Variants in TNN observed in about 807,000 individuals in gnomAD.
TNN encodes tenascin-N.
TNN carries 122 observed loss-of-function variants against 134.4 expected under a neutral mutation model. The ratio of observed to expected loss-of-function variants is 0.91; its 90% CI spans 0.78 to 1.06. The LOEUF is 1.06. Ranked by LOEUF, TNN falls within the 50% of genes least tolerant of loss-of-function variation. The pLI, the probability that TNN is intolerant of heterozygous loss-of-function variation, is 0.00. For synonymous variants in TNN, 710 were observed against 670.3 expected (o/e 1.06, Z -0.91); for missense variants, 1,739 against 1,699.4 (o/e 1.02, Z -0.41).
chr1:175,125,459 G>A (rs1675482061), intron 12 of TNN, among the ~76,000 whole-genome samples: 1 of 151,808 alleles, frequency 6.6e-6, no homozygotes, highest in African/African-American at 2.4e-5. Flanking sequence ...TTACCCACGC[G>A]TTCCCTCTAG....
chr1:175,071,175 G>A (rs1167802751), intron 1 of TNN, among the ~76,000 whole-genome samples: 3 of 152,188 alleles, frequency 2.0e-5, no homozygotes, highest in Non-Finnish European at 4.4e-5. Flanking sequence ...GATAATAAGG[G>A]AACCAGAGAA....
intron 8 of TNN, 132 bp from the exon 9 acceptor site, chr1:175,098,200 C>A (rs1316916461): frequency 1.5e-6 from 2 of 1,292,264 alleles, no homozygotes; most frequent in South Asian, 1.4e-5. Context: ...AGACTCCCAG[C>A]GGAGACTCAG....
chr1:175,085,549 T>A (rs1674305103), intron 6 of TNN, 55 bp downstream of exon 6: 1 of 1,235,866 alleles, frequency 8.1e-7, no homozygotes, highest in African/African-American at 1.5e-5. Flanking sequence ...ATTCTCATAT[T>A]TTTCTTGGCT....
chr1:175,097,825 G>A, intron 8 of TNN, 142 bp downstream of exon 8: 6 of 1,204,636 alleles, frequency 5.0e-6, no homozygotes, highest in Non-Finnish European at 5.7e-6. Context: ...CTCTCGTGGT[G>A]ATGGCGGTGG....
Position 175,072,360 on chromosome 1 carries a change from A to G in TNN, c.-36+4425A>G, listed in dbSNP as rs141893955. 2.6e-3 allele frequency among the ~76,000 whole-genome samples: 391 copies of G among 152,242 alleles called. 2 individuals carry two copies. The highest frequency in any genetic ancestry group is 2.7e-3 in the Non-Finnish European group (185 of 68,018). On this transcript the variant is annotated intron_variant, in intron 1 of 18. Transcript: ENST00000239462. ...GGTTTCCTGTGGTTCCTGCATACAC[A>G]TTTCCTGCATGTAAATGCCCTTCGC... is the stretch of plus-strand genomic sequence containing the variant.
rs926299868 is a variant in TNN, at chr1:175,144,692, T to G, written c.3759+142T>G. 4 of 927,926 alleles carry G rather than the reference T, an allele frequency of 4.3e-6. No homozygotes were observed. In the African/African-American group the frequency reaches 6.7e-5, roughly 16 times the overall value. The allele number at this position is 927,926 out of a possible 1,614,324, so 57.5% of individuals were successfully genotyped here. A position where few individuals can be genotyped will look rare whatever the true frequency, so the allele number is the denominator to read the frequency against. Reference sequence around the variant, plus strand: ...AGTAGAGCTTCTCCTCCAGGCTCCATGGCCTTGAGGTCGTGGCCTCCCTTC... The same window carrying G: ...AGTAGAGCTTCTCCTCCAGGCTCCAGGGCCTTGAGGTCGTGGCCTCCCTTC... On this transcript the variant is annotated intron_variant, in intron 18 of 18. Transcript: ENST00000239462.
rs59588723 is a variant in TNN, at chr1:175,127,022, G to T, written c.2982G>T (p.Thr994=). 5.6e-6 allele frequency: 9 copies of T among 1,613,918 alleles called. No individual in the cohort carries two copies. The highest frequency in any genetic ancestry group is 7.6e-6 in the Non-Finnish European group (9 of 1,179,990). ...VTQSGGILTW[T]PPSAQIHGYI... ...AGTCTGGTGGCATATTGACCTGGAC[G>T]CCCCCCTCTGCTCAGATCCACGGCT... Residue 994 remains threonine (T), a synonymous_variant, in exon 13 of 19, where the codon ACG becomes ACT. Transcript: ENST00000239462.
chr1:175,077,507 C>A lies in TNN; in HGVS notation c.89C>A (p.Pro30His), dbSNP rs756947314. ...GCTTCGGCCCCAGCCACTCTGGAGC[C>A]TCCCGGCTGCAGCAACAAGGAGCAA... ...LVASAPATLE[P>H]PGCSNKEQQV... is the part of the protein sequence containing the mutation. The change falls in exon 2 of 19, where the codon CCT becomes CAT. Residue 30 changes from proline to histidine, a missense_variant. By Grantham distance (77) the Pro-to-His change is moderately conservative. Transcript: ENST00000239462. The A allele has an allele frequency of 1.2e-6, 2 of 1,614,006 alleles. No individual in the cohort carries two copies. Among genetic ancestry groups the A allele is most frequent in the Non-Finnish European group, 1.7e-6 (2 of 1,180,030 alleles).
intron 1 of TNN, 137 bp from the exon 2 acceptor site, chr1:175,077,247 C>T (rs1189518572): frequency 1.8e-5 from 13 of 709,778 alleles, no homozygotes; most frequent in African/African-American, 3.5e-5. Flanking sequence ...TAATTTGGTT[C>T]GGATCCTTGG....
intron 4 of TNN, 87 bp downstream of exon 4, chr1:175,080,513 C>T: frequency 2.0e-6 from 3 of 1,522,446 alleles, no homozygotes; most frequent in Non-Finnish European, 2.7e-6. Context: ...AGGCAGTTGC[C>T]TTGATTAGGG....
chr1:175,069,277 A>G (rs1418509442), intron 1 of TNN, among the ~76,000 whole-genome samples: 1 of 152,166 alleles, frequency 6.6e-6, no homozygotes, highest in Admixed American at 6.5e-5. Context: ...TTTGTTGCAG[A>G]CTCAGAATCA....
At chr1:175,137,245 T>C (rs1405819621) in intron 17 of TNN, among the ~76,000 whole-genome samples, 1 of 152,104 alleles carries the variant, frequency 6.6e-6, no homozygotes, top group East Asian at 1.9e-4. Flanking sequence ...CCCCTTGTAC[T>C]CCTCTTATTC....
At chr1:175,122,786 C>G (rs918716666) in intron 11 of TNN, among the ~76,000 whole-genome samples, 1 of 152,040 alleles carries the variant, frequency 6.6e-6, no homozygotes, top group African/African-American at 2.4e-5. Context: ...TGGAATGATA[C>G]GGGAGAGGAT....
chr1:175,090,841 T>C (rs4471221), intron 6 of TNN, among the ~76,000 whole-genome samples: 82,822 of 151,480 alleles, frequency 0.55, 23,182 homozygotes, highest in African/African-American at 0.69. Context: ...CAAACCTTAC[T>C]TTACATCTCA....
Position 175,118,670 on chromosome 1 carries a change from G to T in TNN, c.2496G>T (p.Thr832=), listed in dbSNP as rs374454781. ...TTGACAGGTATGTGGTGCACTACAC[G>T]TCTGCCAACGGAGAGACCAGGGAGG... ...ATIDRYVVHY[T]SANGETREVP... is the part of the protein sequence containing the mutation. The change falls in exon 11 of 19, where the codon ACG becomes ACT. Residue 832 remains threonine, a synonymous_variant. Transcript: ENST00000239462. 3 of 1,614,210 alleles carry T rather than the reference G, an allele frequency of 1.9e-6. No homozygotes were observed. The highest frequency in any genetic ancestry group is 2.5e-6 in the Non-Finnish European group (3 of 1,180,044).
intron 9 of TNN, among the ~76,000 whole-genome samples, chr1:175,114,907 G>A (rs927727654): frequency 6.6e-6 from 1 of 152,068 alleles, no homozygotes; most frequent in African/African-American, 2.4e-5. Context: ...CAGTATCCCA[G>A]TCTCTGTAAG....
chr1:175,126,369 G>A (rs1675529408), intron 12 of TNN, among the ~76,000 whole-genome samples: 1 of 152,008 alleles, frequency 6.6e-6, no homozygotes, highest in Non-Finnish European at 1.5e-5. Flanking sequence ...CGAAGTGCTG[G>A]GATTACAGGC....
intron 1 of TNN, among the ~76,000 whole-genome samples, chr1:175,073,211 TG>T (rs1673960537): frequency 6.6e-6 from 1 of 152,192 alleles, no homozygotes. Context: ...ACTGTGCATC[TG>T]GGATTGCATC....
chr1:175,146,344 C>T lies in TNN; in HGVS notation c.3760-587C>T, dbSNP rs543433471. ...ATTATTTACCTCACAAATTAAAATA[C>T]ATAAAATTGGTCACTTGGGCTTTTT... On this transcript the variant is annotated intron_variant, in intron 18 of 18. Coordinates refer to ENST00000239462, the MANE Select transcript of TNN (RefSeq NM_022093.2). 2.6e-5 allele frequency among the ~76,000 whole-genome samples: 4 copies of T among 152,304 alleles called. No individual in the cohort carries two copies. In the South Asian group the frequency reaches 8.3e-4, roughly 32 times the overall value.
Sources: gnomAD v4.1 joint callset for allele counts (sites outside exome capture counted in the v4.1 genomes callset) on GRCh38, gnomAD v4.1.1 for gene constraint, MANE v1.5 for transcripts, NCBI Gene and HGNC (gene_info 2026-07-23, HGNC 2026-07-21) for gene names.